The following PLXNC1 variants were observed in gnomAD, a reference collection of about 807,000 sequenced individuals.
PLXNC1 encodes plexin-C1.
A neutral mutation model predicts 178.2 loss-of-function variants in PLXNC1; 75 were observed. That is an observed-to-expected ratio of 0.42 (90% CI 0.35 to 0.51). The LOEUF (loss-of-function observed/expected upper bound fraction) is 0.51. Ranked by LOEUF, PLXNC1 falls within the 20% of genes least tolerant of loss-of-function variation. PLXNC1 has a pLI of 0.02. For missense variants in PLXNC1, 1,503 were observed against 1,984.4 expected (o/e 0.76, Z 4.61); for synonymous variants, 790 against 779.9 (o/e 1.01, Z -0.22).
rs1056879799 is a variant in PLXNC1 at position 94,306,416 on chromosome 12, G to A, written c.*1131G>A. 1.3e-5 allele frequency: 2 copies of A among 152,046 alleles called. No individual in the cohort carries two copies. The highest frequency in any genetic ancestry group is 6.6e-5 in the Admixed American group (1 of 15,232). The allele number at this position is 152,046 out of a possible 1,614,324, so 9.4% of individuals were successfully genotyped here. ...AATTTAAAATACCCATTTTATTCAT[G>A]CCTTTCTTTTTAAAGAATTCTCTAT... On this transcript the variant is annotated 3_prime_UTR_variant, in exon 31 of 31. Transcript: ENST00000258526.
intron 17 of PLXNC1, among the ~76,000 whole-genome samples, chr12:94,258,002 C>A (rs1478834822): frequency 6.6e-6 from 1 of 151,282 alleles, no homozygotes; most frequent in Non-Finnish European, 1.5e-5. Context: ...CCAGCCTGGG[C>A]GACAGAGGGA....
At chr12:94,277,319 C>T (rs1966038905) in intron 21 of PLXNC1, 1 of 152,956 alleles carries the variant, frequency 6.5e-6, no homozygotes, top group Non-Finnish European at 1.5e-5. Context: ...CAAGTACCAT[C>T]ACCTTGGGGG....
At chr12:94,191,854 ATTG>A (rs1763675815) in intron 4 of PLXNC1, among the ~76,000 whole-genome samples, 1 of 151,996 alleles carries the variant, frequency 6.6e-6, no homozygotes, top group African/African-American at 2.4e-5. Context: ...CTAGTATTTT[ATTG>A]TTGGAACCTC....
At chr12:94,264,084 C>T (rs1441484866) in intron 20 of PLXNC1, among the ~76,000 whole-genome samples, 1 of 152,102 alleles carries the variant, frequency 6.6e-6, no homozygotes, top group Non-Finnish European at 1.5e-5. Flanking sequence ...GGCACTTTGA[C>T]TTCCCAGCCA....
chr12:94,202,663 C>T (rs537802319), intron 4 of PLXNC1, among the ~76,000 whole-genome samples: 1 of 152,344 alleles, frequency 6.6e-6, no homozygotes, highest in East Asian at 1.9e-4. Flanking sequence ...GGATGGCACA[C>T]GCTCGGGAGG....
intron 28 of PLXNC1, among the ~76,000 whole-genome samples, chr12:94,302,021 G>A (rs946284980): frequency 1.3e-5 from 2 of 152,084 alleles, no homozygotes; most frequent in African/African-American, 4.8e-5. Flanking sequence ...CCTAATTGGT[G>A]TCCTTGCCCC....
intron 15 of PLXNC1, 120 bp from the exon 16 acceptor site, chr12:94,254,667 C>G: frequency 1.4e-6 from 1 of 731,074 alleles, no homozygotes; most frequent in South Asian, 1.6e-5. Context: ...AGCTCCTGCT[C>G]TCTGTCCCTA....
intron 23 of PLXNC1, among the ~76,000 whole-genome samples, chr12:94,291,785 T>C (rs1483578133): frequency 6.6e-6 from 1 of 152,200 alleles, no homozygotes; most frequent in Non-Finnish European, 1.5e-5. Flanking sequence ...TTTAGATTCG[T>C]GGGTACATGT....
At chr12:94,262,440 T>G in intron 20 of PLXNC1, 1 of 951,138 alleles carries the variant, frequency 1.1e-6, no homozygotes, top group Non-Finnish European at 1.3e-6. Context: ...CTCTTGGGCA[T>G]TAGAGGGGTG....
chr12:94,220,399 A>G (rs1273345759), intron 6 of PLXNC1, among the ~76,000 whole-genome samples: 6 of 152,282 alleles, frequency 3.9e-5, no homozygotes, highest in Non-Finnish European at 8.8e-5. Context: ...GGCAAGTTGG[A>G]TAGGAGAGTG....
intron 4 of PLXNC1, among the ~76,000 whole-genome samples, chr12:94,195,830 T>G (rs1389825599): frequency 6.6e-6 from 1 of 152,202 alleles, no homozygotes; most frequent in Non-Finnish European, 1.5e-5. Flanking sequence ...GGGTTGGGAA[T>G]AACAGAAGGG....
intron 7 of PLXNC1, 137 bp downstream of exon 7, chr12:94,224,452 G>C: frequency 9.1e-6 from 6 of 657,210 alleles, no homozygotes; most frequent in Non-Finnish European, 1.7e-5. Context: ...TGTAATGGGA[G>C]ATAGGAGAGC....
chr12:94,300,750 C>T (rs1017675351), intron 27 of PLXNC1, among the ~76,000 whole-genome samples, 160 bp from the exon 28 acceptor site: 2 of 152,176 alleles, frequency 1.3e-5, no homozygotes, highest in Non-Finnish European at 2.9e-5. Flanking sequence ...TTCTTCTTCT[C>T]TCCAAGTGAC....
chr12:94,252,060 A>G (rs1266029397), intron 15 of PLXNC1, among the ~76,000 whole-genome samples: 1 of 152,244 alleles, frequency 6.6e-6, no homozygotes, highest in Non-Finnish European at 1.5e-5. Context: ...GCTGGATTAC[A>G]CAGATGGTAT....
At chr12:94,212,838 G>A (rs1281937733) in intron 5 of PLXNC1, among the ~76,000 whole-genome samples, 1 of 151,224 alleles carries the variant, frequency 6.6e-6, no homozygotes, top group African/African-American at 2.4e-5. Context: ...TCCTGCCTCA[G>A]CCTCCCAAGT....
Position 94,259,591 on chromosome 12 carries a change from ATTTT to A in PLXNC1, c.3127-15_3127-12del. ...TATATGATTTTGTATTATACTATATATTTTTTTCTTTTTATCAGAACAGAGACGC... is the reference window on the plus strand; with the variant it reads ...TATATGATTTTGTATTATACTATATATTTCTTTTTATCAGAACAGAGACGC... On this transcript the variant is annotated splice_polypyrimidine_tract_variant and intron_variant, in intron 18 of 30. Coordinates refer to ENST00000258526, the MANE Select transcript of PLXNC1 (RefSeq NM_005761.3). 6.5e-7 allele frequency: 1 copy of A among 1,539,590 alleles called. No individual in the cohort carries two copies.
chr12:94,247,881 A>G, intron 12 of PLXNC1, 22 bp from the exon 13 acceptor site: 1 of 1,609,474 alleles, frequency 6.2e-7, no homozygotes, highest in East Asian at 2.2e-5. Context: ...AGTTACTAAA[A>G]CATTCTTTTC....
intron 21 of PLXNC1, among the ~76,000 whole-genome samples, chr12:94,271,581 A>G (rs1298061309): frequency 6.6e-6 from 1 of 152,232 alleles, no homozygotes; most frequent in East Asian, 1.9e-4. Flanking sequence ...GGGCTCAGCC[A>G]CTTTACTCTG....
At chr12:94,163,649 A>C (rs556374650) in intron 1 of PLXNC1, among the ~76,000 whole-genome samples, 1 of 152,166 alleles carries the variant, frequency 6.6e-6, no homozygotes, top group East Asian at 1.9e-4. Flanking sequence ...TACAAGCTTC[A>C]CCACCTTGCA....
Sources: allele counts gnomAD v4.1 joint callset (sites outside exome capture counted in the v4.1 genomes callset), GRCh38; gene constraint gnomAD v4.1.1; transcripts MANE v1.5; gene names NCBI Gene and HGNC (gene_info 2026-07-23, HGNC 2026-07-21).